CD96: variants seen among roughly 807,000 people sequenced by gnomAD.
CD96 encodes T-cell surface protein tactile.
CD96 carries 70 observed loss-of-function variants against 71.3 expected under a neutral mutation model. That is an observed-to-expected ratio of 0.98 (90% CI 0.81 to 1.20). The LOEUF (loss-of-function observed/expected upper bound fraction) is 1.20. CD96 is among the 50% of genes most tolerant of loss of function. The pLI is 0.00. For synonymous variants in CD96, 248 were observed against 233.0 expected (o/e 1.06, Z -0.59); for missense variants, 742 against 677.5 (o/e 1.10, Z -1.06).
chr3:111,588,280 T>A (rs761979670), intron 5 of CD96, among the ~76,000 whole-genome samples: 1 of 152,128 alleles, frequency 6.6e-6, no homozygotes, highest in Non-Finnish European at 1.5e-5. Context: ...ATCTCTAGGG[T>A]AGGGGCAAAA....
chr3:111,594,292 G>A (rs1403464791), intron 5 of CD96: 7 of 1,461,246 alleles, frequency 4.8e-6, no homozygotes, highest in Admixed American at 4.6e-5. Context: ...TTTGGGAAGG[G>A]CCTGTGGTAA....
chr3:111,663,030 A>G (rs942659629), intron 14 of CD96, among the ~76,000 whole-genome samples: 1 of 152,218 alleles, frequency 6.6e-6, no homozygotes, highest in South Asian at 2.1e-4. Context: ...CTGACTCGCA[A>G]TTCCACAGGC....
intron 4 of CD96, 42 bp downstream of exon 4, chr3:111,579,276 C>G (rs1331434554): frequency 9.6e-7 from 1 of 1,038,210 alleles, no homozygotes; most frequent in Non-Finnish European, 1.5e-6. Flanking sequence ...ATCCTCCTGT[C>G]TCCTGCCCTG....
rs147654993 is a variant in CD96, at chr3:111,605,673, C to T, written c.1088-1027C>T. On this transcript the variant is annotated intron_variant, in intron 7 of 13. Coordinates refer to ENST00000352690, the MANE Select transcript of CD96 (RefSeq NM_005816.5). ...AGCTAGCTATGAGTGCCACCCACAG[C>T]CACTGGCAATAGCAGTGCTACTAGC... Among the ~76,000 whole-genome samples the T allele has an allele frequency of 2.5e-3, 377 of 152,270 alleles. 5 individuals carry two copies. The highest frequency in any genetic ancestry group is 8.8e-3 in the African/African-American group (365 of 41,570).
At chr3:111,622,395 T>A (rs1020159343) in intron 8 of CD96, among the ~76,000 whole-genome samples, 1 of 152,238 alleles carries the variant, frequency 6.6e-6, no homozygotes, top group African/African-American at 2.4e-5. Context: ...TGTCAGGCAC[T>A]CTTCTAAGTA....
At chr3:111,643,012 T>A (rs1043154647) in intron 12 of CD96, among the ~76,000 whole-genome samples, 1 of 123,130 alleles carries the variant, frequency 8.1e-6, no homozygotes, top group East Asian at 2.4e-4. Flanking sequence ...GGAAAGGACA[T>A]AACCAAAAAA....
At chr3:111,560,395 G>T (rs1275304647) in intron 2 of CD96, among the ~76,000 whole-genome samples, 3 of 150,434 alleles carry the variant, frequency 2.0e-5, no homozygotes. Context: ...CTCTTTTAGG[G>T]CAGGCCTGGT....
At chr3:111,593,339 G>T (rs138730487) in intron 5 of CD96, 4 of 486,432 alleles carry the variant, frequency 8.2e-6, no homozygotes, top group Admixed American at 3.9e-5. Context: ...TTAGAGTTTC[G>T]GCCAAGGGTC....
intron 2 of CD96, among the ~76,000 whole-genome samples, chr3:111,555,969 C>T (rs947790972): frequency 1.3e-5 from 2 of 152,284 alleles, no homozygotes; most frequent in Non-Finnish European, 2.9e-5. Context: ...CCTTTTTCTC[C>T]CTTGAGATTA....
intron 2 of CD96, 128 bp from the exon 3 acceptor site, chr3:111,567,395 T>A (rs1576327786): frequency 1.4e-6 from 1 of 730,506 alleles, no homozygotes; most frequent in East Asian, 2.7e-5. Context: ...AGTTTGCCTC[T>A]CTTTTTCATA....
At chr3:111,616,408 TGACAGGAAGCTGAAAGGTGGTGGTGG>T (rs1199080093) in intron 8 of CD96, among the ~76,000 whole-genome samples, 9 of 151,902 alleles carry the variant, frequency 5.9e-5, no homozygotes, top group Admixed American at 1.3e-4. Context: ...GGTAGCCTTA[TGACAGGAAGCTGAAAGGTGGTGGTGG>T]GACAGGAAGC....
chr3:111,566,365 A>G (rs1935712693), intron 2 of CD96, among the ~76,000 whole-genome samples: 1 of 152,112 alleles, frequency 6.6e-6, no homozygotes, highest in South Asian at 2.1e-4. Context: ...CTGAAAGAGC[A>G]TAATGATTCA....
At chr3:111,551,709 C>T (rs1044723007) in intron 2 of CD96, among the ~76,000 whole-genome samples, 2 of 152,094 alleles carry the variant, frequency 1.3e-5, no homozygotes, top group African/African-American at 4.8e-5. Context: ...CTGATGCTCT[C>T]CTTCACCCCA....
intron 12 of CD96, among the ~76,000 whole-genome samples, chr3:111,646,264 G>T (rs1939822835): frequency 6.6e-6 from 1 of 152,032 alleles, no homozygotes; most frequent in Non-Finnish European, 1.5e-5. Flanking sequence ...TATATCCATT[G>T]AACTATCCAG....
At chr3:111,643,557 A>G (rs1939690920) in intron 12 of CD96, among the ~76,000 whole-genome samples, 1 of 152,126 alleles carries the variant, frequency 6.6e-6, no homozygotes, top group African/African-American at 2.4e-5. Flanking sequence ...TTTGCTGATG[A>G]TGACTGTTTA....
chr3:111,618,163 C>T (rs1312489446), intron 8 of CD96, among the ~76,000 whole-genome samples: 2 of 152,310 alleles, frequency 1.3e-5, no homozygotes, highest in African/African-American at 4.8e-5. Context: ...GCACCTGGCT[C>T]ACCCTTGGCA....
Position 111,545,284 on chromosome 3 carries a change from A to G in CD96, c.300A>G (p.Lys100=), listed in dbSNP as rs756469536. The G allele has an allele frequency of 6.2e-7, 1 of 1,614,068 alleles. No individual in the cohort carries two copies. Among genetic ancestry groups the G allele is most frequent in the South Asian group, 1.1e-5 (1 of 91,082 alleles). Residue 100 remains lysine, a synonymous_variant, in exon 2 of 14, where the codon AAA becomes AAG. Coordinates refer to ENST00000352690, the MANE Select transcript of CD96 (RefSeq NM_005816.5). ...CAGAAACTCCTGAGAATGGGTCAAA[A>G]TGGACTCTGCACTTAAGGAATATGT... The part of the protein sequence containing the change: ...TFTETPENGS[K]WTLHLRNMSC...
At position 111,542,215 on chromosome 3, in the gene CD96, T is replaced by C. The variant is rs993601482; in HGVS notation, c.-34T>C. 3.0e-5 allele frequency: 48 copies of C among 1,598,880 alleles called. No individual in the cohort carries two copies. Among genetic ancestry groups the C allele is most frequent in the Non-Finnish European group, 3.8e-5 (44 of 1,166,208 alleles). On this transcript the variant is annotated 5_prime_UTR_variant, in exon 1 of 14. Transcript: ENST00000352690. ...AAACATCAATTGACTTTGTGATCATTACAGAAATGCTGGTGTAAGGTGTTC... is the reference window on the plus strand; with the variant it reads ...AAACATCAATTGACTTTGTGATCATCACAGAAATGCTGGTGTAAGGTGTTC...
At chr3:111,562,292 C>G (rs1184090187) in intron 2 of CD96, among the ~76,000 whole-genome samples, 2 of 152,354 alleles carry the variant, frequency 1.3e-5, no homozygotes, top group African/African-American at 4.8e-5. Flanking sequence ...CCAGATTCAG[C>G]TGCAATTACC....
Sources: allele counts gnomAD v4.1 joint callset (sites outside exome capture counted in the v4.1 genomes callset), GRCh38; gene constraint gnomAD v4.1.1; transcripts MANE v1.5; gene names NCBI Gene and HGNC (gene_info 2026-07-23, HGNC 2026-07-21).